The following GRIK4 variants were observed in gnomAD, a reference collection of about 807,000 sequenced individuals.
GRIK4 encodes glutamate receptor ionotropic, kainate 4.
Under a neutral mutation model 104.9 loss-of-function variants are expected in GRIK4, and 40 were observed. The observed-to-expected ratio is 0.38, with a 90% confidence interval of 0.30 to 0.50. The LOEUF is 0.50. GRIK4 is among the 20% of genes least tolerant of loss of function. The pLI is 0.93. For synonymous variants in GRIK4, 485 were observed against 524.9 expected (o/e 0.92, Z 1.04); for missense variants, 1,047 against 1,308.1 (o/e 0.80, Z 3.08).
At chr11:120,935,445 G>A (rs149702299) in intron 13 of GRIK4, among the ~76,000 whole-genome samples, 1 of 152,300 alleles carries the variant, frequency 6.6e-6, no homozygotes, top group East Asian at 1.9e-4. Flanking sequence ...AGCTACTTGG[G>A]AGGCTGAGAC....
intron 3 of GRIK4, among the ~76,000 whole-genome samples, chr11:120,743,952 C>G (rs145696192): frequency 5.1e-4 from 77 of 152,268 alleles, no homozygotes; most frequent in African/African-American, 1.9e-3. Context: ...TAACGAGTAG[C>G]ACAGCGAGGC....
chr11:120,671,893 C>T (rs1300413379), intron 3 of GRIK4, among the ~76,000 whole-genome samples: 1 of 152,146 alleles, frequency 6.6e-6, no homozygotes, highest in Non-Finnish European at 1.5e-5. Context: ...ATCCTTTCCT[C>T]GTTGCTTGTT....
At chr11:120,715,808 T>C (rs564764096) in intron 3 of GRIK4, among the ~76,000 whole-genome samples, 1 of 152,276 alleles carries the variant, frequency 6.6e-6, no homozygotes, top group Admixed American at 6.5e-5. Flanking sequence ...ACTTTTGAGA[T>C]AGAACTGGGG....
chr11:120,591,207 C>T (rs1948728666), intron 1 of GRIK4, among the ~76,000 whole-genome samples: 1 of 151,472 alleles, frequency 6.6e-6, no homozygotes, highest in Non-Finnish European at 1.5e-5. Flanking sequence ...GGTGGTGTCT[C>T]CCACAGTCAA....
At position 120,932,940 on chromosome 11, in the gene GRIK4, T is replaced by A. The variant is rs554549662; in HGVS notation, c.1477-7407T>A. 2.3e-4 allele frequency among the ~76,000 whole-genome samples: 35 copies of A among 152,196 alleles called. 2 individuals are homozygous for A. In the South Asian group the frequency reaches 6.2e-3, roughly 27 times the overall value. ...AGCTGATCAGAGATAGAAGAGAGGATCTGAAAGAGGATTCAGAGGGAGCTG... is the reference window on the plus strand; with the variant it reads ...AGCTGATCAGAGATAGAAGAGAGGAACTGAAAGAGGATTCAGAGGGAGCTG... On this transcript the variant is annotated intron_variant, in intron 13 of 20. Transcript: ENST00000527524.
intron 3 of GRIK4, among the ~76,000 whole-genome samples, chr11:120,737,992 A>G (rs146292923): frequency 2.6e-5 from 4 of 152,320 alleles, no homozygotes; most frequent in Non-Finnish European, 5.9e-5. Flanking sequence ...AAGCCTTGGG[A>G]ATGGATAATT....
chr11:120,645,686 C>G (rs1949533778), intron 1 of GRIK4, among the ~76,000 whole-genome samples: 1 of 152,186 alleles, frequency 6.6e-6, no homozygotes, highest in Non-Finnish European at 1.5e-5. Context: ...AGGGACTGGG[C>G]TGGGCAGCCA....
chr11:120,716,288 G>A (rs1950832274), intron 3 of GRIK4, among the ~76,000 whole-genome samples: 1 of 152,114 alleles, frequency 6.6e-6, no homozygotes, highest in African/African-American at 2.4e-5. Flanking sequence ...CTGTTGCCCA[G>A]GTTGAAGTGC....
intron 14 of GRIK4, among the ~76,000 whole-genome samples, chr11:120,943,312 A>AT (rs1189172887): frequency 1.3e-5 from 2 of 152,140 alleles, no homozygotes; most frequent in Non-Finnish European, 2.9e-5. Context: ...CAGTTTCTAC[A>AT]TTTTTTCAAC....
At chr11:120,857,492 A>G (rs1041618540) in intron 8 of GRIK4, among the ~76,000 whole-genome samples, 2 of 62,318 alleles carry the variant, frequency 3.2e-5, no homozygotes, top group African/African-American at 1.3e-4. Context: ...GCACACATGT[A>G]TGCACACATG....
In GRIK4 at chr11:120,697,093, C is replaced by T. The variant is rs371300512; in HGVS notation, c.82+36693C>T. Among the ~76,000 whole-genome samples, 60 of 152,358 alleles carry T rather than the reference C, an allele frequency of 3.9e-4. No individual in the cohort carries two copies. In the East Asian group the frequency reaches 7.1e-3, roughly 18 times the overall value. ...CCGTTCGCTTCCCAGCTCTTTTCCT[C>T]TGCCTTCCTGACGGTATCACTCCAG... On this transcript the variant is annotated intron_variant, in intron 3 of 20. Coordinates refer to ENST00000527524, the MANE Select transcript of GRIK4 (RefSeq NM_014619.5).
Position 120,513,459 on chromosome 11 carries a change from C to G in GRIK4, c.-159+1572C>G, listed in dbSNP as rs2243882. 0.63 allele frequency among the ~76,000 whole-genome samples: 95,052 copies of G among 151,964 alleles called. 32,042 individuals carry two copies. The highest frequency in any genetic ancestry group is 0.88 in the African/African-American group (36,567 of 41,480). Reference sequence around the variant, plus strand: ...TGTGTTCCGGTCCCACCAGGGATGGCAGCCCCTGGAATTCCACTGGGCGTC... The same window carrying G: ...TGTGTTCCGGTCCCACCAGGGATGGGAGCCCCTGGAATTCCACTGGGCGTC... On this transcript the variant is annotated intron_variant, in intron 1 of 20. Coordinates refer to ENST00000527524, the MANE Select transcript of GRIK4 (RefSeq NM_014619.5). The surrounding 1 kb of genome is among the most constrained non-coding windows in gnomAD (Gnocchi z 4.5).
chr11:120,544,121 A>C (rs1476972783), intron 1 of GRIK4, among the ~76,000 whole-genome samples: 2 of 152,192 alleles, frequency 1.3e-5, no homozygotes, highest in Non-Finnish European at 2.9e-5. Context: ...GATGGATCTG[A>C]TAGTAAGCGT....
intron 1 of GRIK4, among the ~76,000 whole-genome samples, chr11:120,625,463 C>T (rs1949246325): frequency 6.6e-6 from 1 of 152,112 alleles, no homozygotes; most frequent in Non-Finnish European, 1.5e-5. Context: ...CAGCAGCTGG[C>T]CACCTACTCA....
intron 8 of GRIK4, among the ~76,000 whole-genome samples, chr11:120,849,075 G>A (rs1387942450): frequency 2.0e-5 from 3 of 152,032 alleles, no homozygotes; most frequent in Non-Finnish European, 4.4e-5. Flanking sequence ...TAAGTCCCAC[G>A]GGGCTCCCAG....
chr11:120,662,756 C>A (rs1366968229), intron 3 of GRIK4, among the ~76,000 whole-genome samples: 1 of 152,142 alleles, frequency 6.6e-6, no homozygotes, highest in Non-Finnish European at 1.5e-5. Context: ...TCCCCAACCC[C>A]AGCCTCAGAA....
At chr11:120,693,212 C>T (rs973189549) in intron 3 of GRIK4, among the ~76,000 whole-genome samples, 5 of 152,048 alleles carry the variant, frequency 3.3e-5, no homozygotes, top group Non-Finnish European at 1.5e-5. Flanking sequence ...TCAAGCGACT[C>T]TCCTGCCTCA....
intron 11 of GRIK4, 52 bp downstream of exon 11, chr11:120,875,295 C>A: frequency 8.9e-7 from 1 of 1,123,646 alleles, no homozygotes; most frequent in Non-Finnish European, 1.4e-6. Context: ...TGTTCCATTT[C>A]ATTGATGCCT....
intron 3 of GRIK4, among the ~76,000 whole-genome samples, chr11:120,762,039 T>C (rs1050911595): frequency 5.9e-5 from 9 of 152,246 alleles, no homozygotes; most frequent in Non-Finnish European, 1.2e-4. Context: ...TTACTTTGGG[T>C]AGTATGGCCA....
Sources: allele counts gnomAD v4.1 joint callset (sites outside exome capture counted in the v4.1 genomes callset), GRCh38; gene constraint gnomAD v4.1.1; non-coding constraint Gnocchi (gnomAD v3.1); transcripts MANE v1.5; gene names NCBI Gene and HGNC (gene_info 2026-07-23, HGNC 2026-07-21).